The following PDGFD variants were observed in gnomAD, a reference collection of about 807,000 sequenced individuals.
PDGFD encodes the protein platelet derived growth factor D.
PDGFD carries 30 observed loss-of-function variants against 44.7 expected under a neutral mutation model. The observed-to-expected ratio is 0.67, with a 90% confidence interval of 0.50 to 0.91. The LOEUF (loss-of-function observed/expected upper bound fraction) is 0.91, where lower values mean the gene tolerates loss of function less well. Ranked by LOEUF, PDGFD falls within the 40% of genes least tolerant of loss-of-function variation. The probability of loss-of-function intolerance (pLI) is 0.00; values close to 1 mark genes in which losing one functional copy is unlikely to be tolerated. For synonymous variants in PDGFD, 173 were observed against 168.4 expected, an observed-to-expected ratio of 1.03 and a Z score of -0.21; for missense variants, 445 against 457.8, an observed-to-expected ratio of 0.97 and a Z score of 0.25.
intron 1 of PDGFD, among the ~76,000 whole-genome samples, chr11:104,087,786 C>T (rs185305715): frequency 2.0e-4 from 31 of 152,184 alleles, no homozygotes; most frequent in African/African-American, 7.5e-4. Flanking sequence ...GGTGCTGTGC[C>T]GCAAGCAGAT....
intron 1 of PDGFD, among the ~76,000 whole-genome samples, chr11:104,104,621 T>C (rs1335350018): frequency 6.6e-6 from 1 of 152,166 alleles, no homozygotes; most frequent in Non-Finnish European, 1.5e-5. Flanking sequence ...ACAAACCATC[T>C]ATAGCTTAGG....
rs527567572 is a variant in PDGFD, at chr11:104,085,359, T to C, written c.124+78445A>G. On this transcript the variant is annotated intron_variant, in intron 1 of 6. Transcript: ENST00000393158. The stretch of plus-strand genomic sequence containing the variant: ...TTTATCTCCCCTCAGCTAAACGTCC[T>C]TGAGGTCTATCCAAGTTGCTGGTGG... Among the ~76,000 whole-genome samples, 12 of 152,312 alleles carry C rather than the reference T, an allele frequency of 7.9e-5. No homozygotes were observed. The East Asian group carries it at 2.1e-3, about 27-fold the overall frequency.
At chr11:104,008,084 G>A (rs955961285) in intron 1 of PDGFD, among the ~76,000 whole-genome samples, 1 of 152,122 alleles carries the variant, frequency 6.6e-6, no homozygotes, top group African/African-American at 2.4e-5. Context: ...CCTCTTTCAA[G>A]TCCTAGTAAC....
chr11:103,938,987 A>G (rs1016940573), intron 5 of PDGFD, among the ~76,000 whole-genome samples: 4 of 152,120 alleles, frequency 2.6e-5, no homozygotes, highest in East Asian at 3.9e-4. Context: ...GTCAGGTAGC[A>G]TGATGCCTCC....
chr11:104,074,807 G>C (rs777201235), intron 1 of PDGFD, among the ~76,000 whole-genome samples: 25 of 152,298 alleles, frequency 1.6e-4, no homozygotes, highest in Middle Eastern at 3.4e-3. Context: ...TTGTGAGCAT[G>C]AGAATTCAGG....
At chr11:103,969,266 TA>T (rs1859066671) in intron 3 of PDGFD, among the ~76,000 whole-genome samples, 1 of 152,178 alleles carries the variant, frequency 6.6e-6, no homozygotes, top group African/African-American at 2.4e-5. Context: ...TTAATTACTA[TA>T]TTCAAATACC....
intron 3 of PDGFD, among the ~76,000 whole-genome samples, chr11:103,980,133 A>T (rs1390450811): frequency 6.6e-6 from 1 of 152,082 alleles, no homozygotes; most frequent in African/African-American, 2.4e-5. Context: ...TGTTACAGAG[A>T]TAGTACAGAG....
intron 6 of PDGFD, 76 bp downstream of exon 6, chr11:103,926,836 C>A: frequency 1.4e-6 from 2 of 1,440,950 alleles, no homozygotes; most frequent in Admixed American, 4.0e-5. Context: ...ACAACCTGAA[C>A]AACTGTATGC....
intron 3 of PDGFD, among the ~76,000 whole-genome samples, chr11:103,956,706 C>T (rs1591093807): frequency 6.6e-6 from 1 of 152,068 alleles, no homozygotes; most frequent in African/African-American, 2.4e-5. Context: ...TATTTCTCCA[C>T]ATCCTCTCCA....
At chr11:104,029,313 T>C (rs1379448794) in intron 1 of PDGFD, among the ~76,000 whole-genome samples, 1 of 152,252 alleles carries the variant, frequency 6.6e-6, no homozygotes, top group East Asian at 1.9e-4. Flanking sequence ...TATCTTTTAT[T>C]TGTTATTTTT....
At chr11:103,988,083 C>T (rs148878037) in intron 3 of PDGFD, among the ~76,000 whole-genome samples, 15 of 152,248 alleles carry the variant, frequency 9.9e-5, no homozygotes, top group Non-Finnish European at 2.1e-4. Flanking sequence ...CACTTCATCA[C>T]TAAGTAACAC....
intron 1 of PDGFD, among the ~76,000 whole-genome samples, chr11:104,091,320 T>A (rs1861210732): frequency 6.6e-6 from 1 of 152,208 alleles, no homozygotes; most frequent in African/African-American, 2.4e-5. Context: ...TTTTATTTTA[T>A]GGGACAGATA....
chr11:104,144,516 A>AAAAAAAAG (rs1862134038), intron 1 of PDGFD, among the ~76,000 whole-genome samples: 1 of 145,106 alleles, frequency 6.9e-6, no homozygotes, highest in African/African-American at 2.7e-5. Flanking sequence ...CCAAAAAAAA[A>AAAAAAAAG]AAAAAAAAAA....
At chr11:104,121,708 T>A (rs1166731049) in intron 1 of PDGFD, among the ~76,000 whole-genome samples, 12 of 152,076 alleles carry the variant, frequency 7.9e-5, no homozygotes, top group Admixed American at 7.9e-4. Context: ...TAAGGACCAG[T>A]TAGTTTACGG....
intron 3 of PDGFD, among the ~76,000 whole-genome samples, chr11:103,992,425 C>T (rs11226107): frequency 0.13 from 19,679 of 152,236 alleles, 1,387 homozygotes; most frequent in Middle Eastern, 0.17. Flanking sequence ...ACACTTAATA[C>T]ATCCTATGCA....
intron 6 of PDGFD, among the ~76,000 whole-genome samples, chr11:103,919,549 C>A (rs576111772): frequency 2.7e-5 from 3 of 112,582 alleles, no homozygotes; most frequent in East Asian, 5.8e-4. Flanking sequence ...AGTCTTCTTG[C>A]CCAGGCTAGA....
At chr11:104,094,684 T>A (rs750032674) in intron 1 of PDGFD, among the ~76,000 whole-genome samples, 10 of 152,098 alleles carry the variant, frequency 6.6e-5, no homozygotes, top group Non-Finnish European at 1.3e-4. Context: ...ACACACATAG[T>A]CAGTTTTTTC....
intron 1 of PDGFD, among the ~76,000 whole-genome samples, chr11:104,053,472 G>A (rs1860573622): frequency 6.6e-6 from 1 of 152,194 alleles, no homozygotes; most frequent in South Asian, 2.1e-4. Context: ...TTCACAAACA[G>A]CTTCTAGAAT....
At chr11:104,100,600 G>T (rs545288438) in intron 1 of PDGFD, among the ~76,000 whole-genome samples, 2 of 152,148 alleles carry the variant, frequency 1.3e-5, no homozygotes, top group Non-Finnish European at 2.9e-5. Context: ...CTCATTATAT[G>T]AGGCCAGCAT....
Sources: allele counts gnomAD v4.1 joint callset (sites outside exome capture counted in the v4.1 genomes callset), GRCh38; gene constraint gnomAD v4.1.1; transcripts MANE v1.5; gene names NCBI Gene and HGNC (gene_info 2026-07-23, HGNC 2026-07-21).